The following NTNG1 variants were observed in gnomAD, a reference collection of about 807,000 sequenced individuals.
NTNG1 encodes netrin-G1.
A neutral mutation model predicts 54.0 loss-of-function variants in NTNG1; 16 were observed. That is an observed-to-expected ratio of 0.30 (90% CI 0.20 to 0.45). The LOEUF is 0.45. Among genes scored for constraint, NTNG1 ranks in the 20% least tolerant of loss-of-function variants. NTNG1 has a pLI of 1.00. For missense variants in NTNG1, 530 were observed against 678.7 expected (o/e 0.78, Z 2.43); for synonymous variants, 255 against 263.1 (o/e 0.97, Z 0.30).
chr1:107,186,808 C>T (rs1220285332), intron 2 of NTNG1, among the ~76,000 whole-genome samples: 1 of 152,142 alleles, frequency 6.6e-6, no homozygotes, highest in Non-Finnish European at 1.5e-5. Flanking sequence ...ATTAAGTTAA[C>T]ATATTTTTGA....
intron 2 of NTNG1, among the ~76,000 whole-genome samples, chr1:107,266,024 T>C (rs558004321): frequency 1.3e-5 from 2 of 152,240 alleles, no homozygotes; most frequent in Non-Finnish European, 2.9e-5. Flanking sequence ...TTGCATTTTT[T>C]GGGCACAATT....
chr1:107,405,793 G>C (rs1673377681), intron 4 of NTNG1, among the ~76,000 whole-genome samples: 1 of 152,028 alleles, frequency 6.6e-6, no homozygotes, highest in South Asian at 2.1e-4. Context: ...TTCAATCATG[G>C]AAAAATTTGG....
At chr1:107,325,167 A>T (rs913721357) in intron 3 of NTNG1, among the ~76,000 whole-genome samples, 2 of 152,122 alleles carry the variant, frequency 1.3e-5, no homozygotes, top group Non-Finnish European at 2.9e-5. Flanking sequence ...GTGAATTTTA[A>T]AAAGTAACTC....
intron 2 of NTNG1, among the ~76,000 whole-genome samples, chr1:107,280,013 C>A (rs939986439): frequency 2.7e-5 from 4 of 146,572 alleles, no homozygotes; most frequent in Non-Finnish European, 3.0e-5. Context: ...CTGATGACTT[C>A]TGAATTCCTG....
intron 2 of NTNG1, among the ~76,000 whole-genome samples, chr1:107,293,390 CAG>C (rs1665745432): frequency 6.6e-6 from 1 of 152,128 alleles, no homozygotes; most frequent in Admixed American, 6.6e-5. Context: ...ATTGGAAAAA[CAG>C]ATAAGCTAAA....
intron 5 of NTNG1, among the ~76,000 whole-genome samples, chr1:107,425,994 T>C (rs766867915): frequency 1.3e-5 from 2 of 152,192 alleles, no homozygotes; most frequent in Non-Finnish European, 2.9e-5. Context: ...GAGAAATGTC[T>C]GTTCATGCCT....
At chr1:107,285,870 T>C (rs377063707) in intron 2 of NTNG1, among the ~76,000 whole-genome samples, 1 of 152,146 alleles carries the variant, frequency 6.6e-6, no homozygotes, top group African/African-American at 2.4e-5. Flanking sequence ...CCTTCATTTG[T>C]TGTTTTTCCC....
At chr1:107,374,435 A>T (rs564037473) in intron 3 of NTNG1, among the ~76,000 whole-genome samples, 6 of 152,026 alleles carry the variant, frequency 3.9e-5, no homozygotes, top group Middle Eastern at 3.4e-3. Flanking sequence ...AATTTTTTTT[A>T]TCTTCTCTAT....
Position 107,481,129 on chromosome 1 carries a change from C to T in NTNG1, c.*289C>T. ...GTGGATTGGAAAGGCTGCGACAGCC[C>T]CCCAAACAGGAAAGACAAAAAACAA... On this transcript the variant is annotated 3_prime_UTR_variant, in exon 8 of 8. Coordinates refer to ENST00000370068, the MANE Select transcript of NTNG1 (RefSeq NM_001113226.3). The T allele has an allele frequency of 2.3e-6, 1 of 432,662 alleles. No homozygotes were observed. The highest frequency in any genetic ancestry group is 4.1e-6 in the Non-Finnish European group (1 of 242,272). 26.8% of individuals were successfully genotyped at this position (432,662 alleles called of 1,614,324 possible).
At chr1:107,149,073 A>G (rs1230868200) in intron 2 of NTNG1, among the ~76,000 whole-genome samples, 1 of 152,150 alleles carries the variant, frequency 6.6e-6, no homozygotes, top group African/African-American at 2.4e-5. Flanking sequence ...CTGAAAACCT[A>G]TAGTTTCACT....
At position 107,152,586 on chromosome 1, in the gene NTNG1, T is replaced by G. The variant is rs539919517; in HGVS notation, c.246+3747T>G. ...GAGCCTACAGACGGAAGAACTCATG[T>G]GTGTTTATACAATTTATGGCTCAGA... On this transcript the variant is annotated intron_variant, in intron 2 of 7. Transcript: ENST00000370068. Among the ~76,000 whole-genome samples the G allele has an allele frequency of 3.3e-5, 5 of 152,344 alleles. No homozygotes were observed. In the South Asian group the frequency reaches 1.0e-3, roughly 32 times the overall value.
intron 2 of NTNG1, among the ~76,000 whole-genome samples, chr1:107,289,347 C>T (rs1665428938): frequency 6.6e-6 from 1 of 152,116 alleles, no homozygotes; most frequent in Non-Finnish European, 1.5e-5. Flanking sequence ...GCTCAAATCT[C>T]AACCAAATAT....
chr1:107,299,564 CT>C (rs1666198243), intron 2 of NTNG1, among the ~76,000 whole-genome samples: 1 of 152,138 alleles, frequency 6.6e-6, no homozygotes, highest in African/African-American at 2.4e-5. Flanking sequence ...AGTACTCTGA[CT>C]ATCTTTACAG....
In NTNG1 at chr1:107,397,975, TAC is replaced by T. The variant is rs146887307; in HGVS notation, c.1060+2664_1060+2665del. Among the ~76,000 whole-genome samples the T allele has an allele frequency of 0.012, 1,795 of 150,614 alleles. 84 individuals are homozygous for T. In the East Asian group the frequency reaches 0.17, roughly 14 times the overall value. On this transcript the variant is annotated intron_variant, in intron 4 of 7. Coordinates refer to ENST00000370068, the MANE Select transcript of NTNG1 (RefSeq NM_001113226.3). ...TTTTTCTTACACATATGCATACAGG[TAC>T]ACACACACACACACTCACATGACTC...
chr1:107,159,117 A>G (rs973713295), intron 2 of NTNG1, among the ~76,000 whole-genome samples: 2 of 152,166 alleles, frequency 1.3e-5, no homozygotes, highest in African/African-American at 2.4e-5. Context: ...TGGTCTGCAT[A>G]ACTTACAGAA....
At chr1:107,333,053 C>T (rs886355931) in intron 3 of NTNG1, among the ~76,000 whole-genome samples, 1 of 152,020 alleles carries the variant, frequency 6.6e-6, no homozygotes, top group Non-Finnish European at 1.5e-5. Context: ...ACAAACCCTA[C>T]TGGTCCAGAA....
intron 2 of NTNG1, among the ~76,000 whole-genome samples, chr1:107,317,662 G>A (rs1298801000): frequency 6.6e-6 from 1 of 152,138 alleles, no homozygotes; most frequent in East Asian, 1.9e-4. Context: ...TTACACAGGT[G>A]TCTATTATTG....
chr1:107,407,952 T>A, intron 5 of NTNG1: 1 of 700,982 alleles, frequency 1.4e-6, no homozygotes, highest in South Asian at 1.4e-5. Flanking sequence ...TCTTAACCAG[T>A]GAGGGCTACC....
chr1:107,225,625 T>G (rs1164126080), intron 2 of NTNG1, among the ~76,000 whole-genome samples: 1 of 152,148 alleles, frequency 6.6e-6, no homozygotes, highest in Non-Finnish European at 1.5e-5. Context: ...GAACACCTGT[T>G]AGCAGAGAGC....
Sources: gnomAD v4.1 joint callset for allele counts (sites outside exome capture counted in the v4.1 genomes callset) on GRCh38, gnomAD v4.1.1 for gene constraint, MANE v1.5 for transcripts, NCBI Gene and HGNC (gene_info 2026-07-23, HGNC 2026-07-21) for gene names.